Variants in ST18 observed in about 807,000 individuals in gnomAD.
The protein encoded by ST18 is suppression of tumorigenicity 18 protein.
ST18 carries 50 observed loss-of-function variants against 110.0 expected under a neutral mutation model. That is an observed-to-expected ratio of 0.45 (90% CI 0.36 to 0.58). The LOEUF (loss-of-function observed/expected upper bound fraction) is 0.58, where lower values mean the gene tolerates loss of function less well. Ranked by LOEUF, ST18 falls within the 20% of genes least tolerant of loss-of-function variation. The probability of loss-of-function intolerance (pLI) is 0.00; values close to 1 mark genes in which losing one functional copy is unlikely to be tolerated. For synonymous variants in ST18, 461 were observed against 452.4 expected (o/e 1.02, Z -0.24); for missense variants, 1,306 against 1,280.1 (o/e 1.02, Z -0.31).
chr8:52,406,160 G>A (rs1024763212), intron 2 of ST18: 2 of 152,190 alleles, frequency 1.3e-5, no homozygotes, highest in Non-Finnish European at 2.9e-5. Flanking sequence ...GCCTAGATGA[G>A]GTGAAATCTT....
At chr8:52,301,282 A>G (rs1351462907) in intron 2 of ST18, among the ~76,000 whole-genome samples, 2 of 152,232 alleles carry the variant, frequency 1.3e-5, no homozygotes, top group African/African-American at 4.8e-5. Flanking sequence ...CTTGATAACA[A>G]AATATAAAAA....
intron 2 of ST18, among the ~76,000 whole-genome samples, chr8:52,330,806 G>A (rs948802589): frequency 6.6e-6 from 1 of 152,196 alleles, no homozygotes; most frequent in African/African-American, 2.4e-5. Flanking sequence ...AGCTAGAAAC[G>A]GGCTCCTTGC....
At chr8:52,339,569 C>G (rs1407938634) in intron 2 of ST18, among the ~76,000 whole-genome samples, 1 of 152,222 alleles carries the variant, frequency 6.6e-6, no homozygotes, top group Non-Finnish European at 1.5e-5. Flanking sequence ...GCCCCCAGCT[C>G]CACAGACTTG....
intron 2 of ST18, among the ~76,000 whole-genome samples, chr8:52,279,860 T>C (rs2095342401): frequency 6.6e-6 from 1 of 152,114 alleles, no homozygotes; most frequent in Non-Finnish European, 1.5e-5. Context: ...AGGTGTCTCC[T>C]AAAGAATGTA....
chr8:52,299,202 A>G (rs1407462894), intron 2 of ST18, among the ~76,000 whole-genome samples: 2 of 152,172 alleles, frequency 1.3e-5, no homozygotes, highest in Non-Finnish European at 2.9e-5. Flanking sequence ...ATATGTGTAC[A>G]TGTGTAAACT....
intron 2 of ST18, among the ~76,000 whole-genome samples, chr8:52,310,272 G>T (rs2095882014): frequency 6.6e-6 from 1 of 152,138 alleles, no homozygotes; most frequent in Admixed American, 6.5e-5. Flanking sequence ...GCATCCAAAG[G>T]ACTCTGTGTA....
Position 52,409,460 on chromosome 8 carries a change from AG to A in ST18, c.-589-9del, listed in dbSNP as rs1259617612. 1.3e-5 allele frequency: 2 copies of A among 152,190 alleles called. No homozygotes were observed. The highest frequency in any genetic ancestry group is 4.8e-5 in the African/African-American group (2 of 41,456). 9.4% of individuals were successfully genotyped at this position (152,190 alleles called of 1,614,324 possible). Reference sequence around the variant, plus strand: ...CAGAAATTTTATTATTTTCTAAAGAAGAAAAAAAATATGATGTGAAAATTAT... The same window carrying A: ...CAGAAATTTTATTATTTTCTAAAGAAAAAAAAAATATGATGTGAAAATTAT... On this transcript the variant is annotated splice_polypyrimidine_tract_variant and intron_variant, in intron 1 of 25. Coordinates refer to ENST00000689386, the MANE Select transcript of ST18 (RefSeq NM_001352837.2).
At chr8:52,173,873 C>T (rs979221781) in intron 9 of ST18, among the ~76,000 whole-genome samples, 12 of 152,220 alleles carry the variant, frequency 7.9e-5, no homozygotes, top group Admixed American at 2.6e-4. Flanking sequence ...AGTGTCTGTG[C>T]GGAAGACAAT....
At chr8:52,407,759 T>G (rs1845031201) in intron 2 of ST18, 1 of 152,178 alleles carries the variant, frequency 6.6e-6, no homozygotes, top group Non-Finnish European at 1.5e-5. Flanking sequence ...TCAAGACATC[T>G]GTTTGGAAAC....
At chr8:52,208,838 A>G (rs947249429) in intron 8 of ST18, among the ~76,000 whole-genome samples, 4 of 133,878 alleles carry the variant, frequency 3.0e-5, no homozygotes, top group African/African-American at 8.8e-5. Context: ...TAAATAAATA[A>G]ATAAATAGAT....
At chr8:52,267,665 C>T (rs570887089) in intron 2 of ST18, among the ~76,000 whole-genome samples, 1 of 152,224 alleles carries the variant, frequency 6.6e-6, no homozygotes, top group African/African-American at 2.4e-5. Context: ...AATTATTATG[C>T]AACCTGTACT....
rs1165778908 is a variant in ST18 at position 52,180,155 on chromosome 8, C to T, written c.244G>A (p.Gly82Ser). The T allele has an allele frequency of 6.2e-7, 1 of 1,614,116 alleles. No individual in the cohort carries two copies. Among genetic ancestry groups the T allele is most frequent in the Admixed American group, 1.7e-5 (1 of 60,008 alleles). The change falls in exon 9 of 26, where the codon GGC becomes AGC. Residue 82 changes from glycine (G) to serine (S), a missense_variant. Physicochemically the swap from Gly to Ser is moderately conservative, Grantham distance 56. Coordinates refer to ENST00000689386, the MANE Select transcript of ST18 (RefSeq NM_001352837.2). ...GAGTGACCATGTGTTTCCAAGGGGC[C>T]ATCGTCCTCTGTCCTGTCACTGCGG... Reference protein sequence around the residue: ...EDRSDRTEDDGPLETHGHSTA... With the variant: ...EDRSDRTEDDSPLETHGHSTA...
intron 15 of ST18, among the ~76,000 whole-genome samples, chr8:52,154,163 C>T (rs1207251426): frequency 1.3e-5 from 2 of 152,204 alleles, no homozygotes; most frequent in Non-Finnish European, 2.9e-5. Flanking sequence ...TAACATTTCA[C>T]TCAGAATGTG....
intron 2 of ST18, among the ~76,000 whole-genome samples, chr8:52,297,644 T>C (rs2095655399): frequency 6.6e-6 from 1 of 152,136 alleles, no homozygotes; most frequent in Admixed American, 6.5e-5. Flanking sequence ...CATCAAAACA[T>C]CATAAATTAT....
At chr8:52,334,178 T>TAGCCAACA (rs1810968941) in intron 2 of ST18, among the ~76,000 whole-genome samples, 1 of 152,274 alleles carries the variant, frequency 6.6e-6, no homozygotes, top group African/African-American at 2.4e-5. Flanking sequence ...ATCTTTCTTC[T>TAGCCAACA]ACACTTTAGC....
chr8:52,139,322 T>TTATATATA (rs58564463), intron 17 of ST18, among the ~76,000 whole-genome samples: 4 of 148,438 alleles, frequency 2.7e-5, no homozygotes, highest in Non-Finnish European at 4.5e-5. Context: ...CAGCATTGCA[T>TTATATATA]TATATATATA....
At chr8:52,177,899 C>A (rs140898887) in intron 9 of ST18, among the ~76,000 whole-genome samples, 1 of 152,140 alleles carries the variant, frequency 6.6e-6, no homozygotes, top group East Asian at 1.9e-4. Flanking sequence ...ATATCATTTA[C>A]GTGTCTGGAA....
chr8:52,247,550 G>T (rs2093959237), intron 2 of ST18, among the ~76,000 whole-genome samples: 2 of 152,162 alleles, frequency 1.3e-5, no homozygotes, highest in Non-Finnish European at 2.9e-5. Context: ...AGCCAAAACA[G>T]TTATGTTTTC....
Position 52,264,759 on chromosome 8 carries a change from A to G in ST18, c.-464-34682T>C, listed in dbSNP as rs528494336. On this transcript the variant is annotated intron_variant, in intron 2 of 25. Coordinates refer to ENST00000689386, the MANE Select transcript of ST18 (RefSeq NM_001352837.2). Reference sequence around the variant, plus strand: ...ATAAGTATACTGAAGACAAATCTAGACTGCCCAGGACACCTGCATCTAAAG... The same window carrying G: ...ATAAGTATACTGAAGACAAATCTAGGCTGCCCAGGACACCTGCATCTAAAG... Among the ~76,000 whole-genome samples, 5 of 152,350 alleles carry G rather than the reference A, an allele frequency of 3.3e-5. No homozygotes were observed. In the South Asian group the frequency reaches 1.0e-3, roughly 32 times the overall value.
Sources: gnomAD v4.1 joint callset for allele counts (sites outside exome capture counted in the v4.1 genomes callset) on GRCh38, gnomAD v4.1.1 for gene constraint, MANE v1.5 for transcripts, NCBI Gene and HGNC (gene_info 2026-07-23, HGNC 2026-07-21) for gene names.